The following NOL10 variants were observed in gnomAD, a reference collection of about 807,000 sequenced individuals.
NOL10 encodes H_NH0074G24.1.
In NOL10, 58 loss-of-function variants were observed where a neutral mutation model predicts 103.5. The observed-to-expected ratio is 0.56, with a 90% CI of 0.45 to 0.70. NOL10 has a LOEUF of 0.70. Ranked by LOEUF, NOL10 falls within the 30% of genes least tolerant of loss-of-function variation. The pLI is 0.00. For synonymous variants in NOL10, 287 were observed against 282.5 expected, an observed-to-expected ratio of 1.02 and a Z score of -0.16; for missense variants, 763 against 807.3, an observed-to-expected ratio of 0.95 and a Z score of 0.67.
At chr2:10,619,808 C>T (rs180986560) in intron 13 of NOL10, among the ~76,000 whole-genome samples, 69 of 152,284 alleles carry the variant, frequency 4.5e-4, no homozygotes, top group African/African-American at 1.6e-3. Context: ...GGCCTTGCAC[C>T]TCGGCTACAA....
intron 14 of NOL10, chr2:10,604,756 C>A (rs1020656756): frequency 3.3e-5 from 5 of 152,146 alleles, no homozygotes; most frequent in Admixed American, 6.5e-5. Context: ...CAGTCCTAAC[C>A]CGAGAATCGG....
intron 3 of NOL10, among the ~76,000 whole-genome samples, chr2:10,680,402 G>A (rs960082720): frequency 2.0e-5 from 3 of 150,956 alleles, no homozygotes; most frequent in Admixed American, 1.3e-4. Flanking sequence ...GGGAGAGGGA[G>A]GAGAAGGAGA....
In NOL10 at chr2:10,589,167, C is replaced by A; in HGVS notation, c.1720G>T (p.Val574Leu). The A allele has an allele frequency of 6.2e-7, 1 of 1,614,040 alleles. No homozygotes were observed. Among genetic ancestry groups the A allele is most frequent in the Non-Finnish European group, 8.5e-7 (1 of 1,179,890 alleles). ...QRRLLQQEEK[V>L]KRQERLKEDQ... ...TCCTTGAGTCGTTCCTGCCGCTTCACTTTTTCCTCCTGCTGGAGGAGTCTG... is the reference window on the plus strand; with the variant it reads ...TCCTTGAGTCGTTCCTGCCGCTTCAATTTTTCCTCCTGCTGGAGGAGTCTG... Residue 574 changes from valine to leucine, a missense_variant, in exon 19 of 21, where the codon GTG (valine) becomes TTG (leucine). Physicochemically the swap from Val to Leu is conservative, Grantham distance 32. Transcript: ENST00000381685.
chr2:10,658,313 G>GAGA (rs1441744997), intron 10 of NOL10, among the ~76,000 whole-genome samples: 1 of 152,180 alleles, frequency 6.6e-6, no homozygotes, highest in Non-Finnish European at 1.5e-5. Context: ...TGGGAGAAGG[G>GAGA]AGAATCTCTT....
chr2:10,624,386 G>A (rs893522809), intron 13 of NOL10, among the ~76,000 whole-genome samples: 1 of 151,866 alleles, frequency 6.6e-6, no homozygotes, highest in African/African-American at 2.4e-5. Context: ...AAGTGGAGCA[G>A]AACAGAGGGA....
chr2:10,604,318 A>C (rs1364526918), intron 14 of NOL10, among the ~76,000 whole-genome samples: 1 of 152,236 alleles, frequency 6.6e-6, no homozygotes, highest in Non-Finnish European at 1.5e-5. Context: ...AAATTTTAGA[A>C]ATATACATCC....
intron 13 of NOL10, among the ~76,000 whole-genome samples, chr2:10,631,666 A>T (rs1224505245): frequency 6.6e-6 from 1 of 152,000 alleles, no homozygotes; most frequent in Non-Finnish European, 1.5e-5. Flanking sequence ...ACTGATGCTA[A>T]TCCTACTGTA....
rs4470306 is a variant in NOL10, at chr2:10,603,872, C to G, written c.1154-715G>C. On this transcript the variant is annotated intron_variant, in intron 14 of 20. Coordinates refer to ENST00000381685, the MANE Select transcript of NOL10 (RefSeq NM_024894.4). ...TTCCAAATATTGACACAGAAAAAGA[C>G]TGAGATCTTCAAAATAAGTCCACAT... 2.6e-5 allele frequency among the ~76,000 whole-genome samples: 4 copies of G among 152,146 alleles called. No homozygotes were observed. The East Asian group carries it at 7.7e-4, about 29-fold the overall frequency.
chr2:10,674,933 G>A (rs947432792), intron 4 of NOL10, among the ~76,000 whole-genome samples: 21 of 152,340 alleles, frequency 1.4e-4, no homozygotes, highest in African/African-American at 4.3e-4. Context: ...GCTGGGTGCA[G>A]TGGCTCATGC....
chr2:10,607,744 A>C (rs542435524), intron 13 of NOL10, among the ~76,000 whole-genome samples: 5 of 141,384 alleles, frequency 3.5e-5, no homozygotes, highest in African/African-American at 1.4e-4. Flanking sequence ...TTTTTAAAAA[A>C]CAATATTTAT....
chr2:10,597,821 T>C (rs1675777172), intron 17 of NOL10, among the ~76,000 whole-genome samples: 1 of 152,214 alleles, frequency 6.6e-6, no homozygotes, highest in Admixed American at 6.5e-5. Flanking sequence ...TGCTGTTTGA[T>C]GGAAGAAGAT....
chr2:10,635,279 C>T (rs1036547103), intron 13 of NOL10, among the ~76,000 whole-genome samples: 2 of 152,168 alleles, frequency 1.3e-5, no homozygotes, highest in African/African-American at 2.4e-5. Context: ...AATTTTGGAG[C>T]GTCTGCATTT....
intron 13 of NOL10, among the ~76,000 whole-genome samples, chr2:10,643,484 G>GT (rs1271551852): frequency 6.6e-6 from 1 of 151,996 alleles, no homozygotes; most frequent in Non-Finnish European, 1.5e-5. Context: ...TTATGAAATC[G>GT]TATTTCCTTG....
rs373213508 is a variant in NOL10 at position 10,673,529 on chromosome 2, G to A, written c.318C>T (p.Asp106=). 7.6e-5 allele frequency: 121 copies of A among 1,596,716 alleles called. No individual in the cohort carries two copies. Among genetic ancestry groups the A allele is most frequent in the Middle Eastern group, 1.7e-4 (1 of 6,048 alleles). ...EVVTFEILSD[D]YSKIVFLHND... Reference sequence around the variant, plus strand: ...ATGCTATAAAACATACCTTTGAGTAGTCATCAGACAAAATTTCAAAGGTGA... The same window carrying A: ...ATGCTATAAAACATACCTTTGAGTAATCATCAGACAAAATTTCAAAGGTGA... Residue 106 remains aspartate (D), a synonymous_variant, in exon 5 of 21, where the codon GAC becomes GAT. Transcript: ENST00000381685.
chr2:10,638,113 C>T (rs1443289303), intron 13 of NOL10, among the ~76,000 whole-genome samples: 1 of 152,080 alleles, frequency 6.6e-6, no homozygotes, highest in Non-Finnish European at 1.5e-5. Context: ...GAGATCCTCT[C>T]TCTACAAAAA....
chr2:10,663,594 A>C (rs899284660), intron 8 of NOL10, among the ~76,000 whole-genome samples: 2 of 152,150 alleles, frequency 1.3e-5, no homozygotes, highest in Non-Finnish European at 2.9e-5. Flanking sequence ...ATATATCACT[A>C]AACTTTTACA....
intron 8 of NOL10, 135 bp downstream of exon 8, chr2:10,667,083 G>T: frequency 1.6e-6 from 1 of 613,732 alleles, no homozygotes; most frequent in Non-Finnish European, 2.9e-6. Context: ...TTTACTGAAT[G>T]TTACTCTACA....
chr2:10,597,572 C>G (rs754839785), intron 17 of NOL10, among the ~76,000 whole-genome samples: 10 of 152,184 alleles, frequency 6.6e-5, no homozygotes, highest in Non-Finnish European at 1.5e-4. Flanking sequence ...TAAGATGAAA[C>G]TGTTCAACAA....
intron 17 of NOL10, chr2:10,590,987 C>G (rs568692637): frequency 6.6e-6 from 1 of 152,340 alleles, no homozygotes; most frequent in East Asian, 1.9e-4. Flanking sequence ...TATTTCTCCA[C>G]TGTTGAGAGT....
Sources: allele counts gnomAD v4.1 joint callset (sites outside exome capture counted in the v4.1 genomes callset), GRCh38; gene constraint gnomAD v4.1.1; transcripts MANE v1.5; gene names NCBI Gene and HGNC (gene_info 2026-07-23, HGNC 2026-07-21).